The following CPS1 variants were observed in gnomAD, a reference collection of about 807,000 sequenced individuals.
The protein encoded by CPS1 is carbamoyl-phosphate synthase 1, also known as carbamoyl-phosphate synthase [ammonia], mitochondrial.
Under a neutral mutation model 174.6 loss-of-function variants are expected in CPS1, and 109 were observed. The observed-to-expected ratio is 0.62, with a 90% confidence interval of 0.53 to 0.73. The LOEUF is 0.73. Ranked by LOEUF, CPS1 falls within the 30% of genes least tolerant of loss-of-function variation. The pLI, the probability that CPS1 is intolerant of heterozygous loss-of-function variation, is 0.00. For missense variants in CPS1, 1,689 were observed against 1,821.9 expected (o/e 0.93, Z 1.33); for synonymous variants, 637 against 632.0 (o/e 1.01, Z -0.12).
At chr2:210,506,117 A>T (rs1335115012) in intron 1 of CPS1, among the ~76,000 whole-genome samples, 1 of 152,136 alleles carries the variant, frequency 6.6e-6, no homozygotes, top group Non-Finnish European at 1.5e-5. Context: ...CGAATAGCCT[A>T]ACTGGGAGGC....
intron 34 of CPS1, chr2:210,673,260 C>CA (rs1408198643): frequency 1.3e-5 from 2 of 152,238 alleles, no homozygotes; most frequent in Admixed American, 6.5e-5. Context: ...CTCAGTTACT[C>CA]AGACACTCAT....
intron 1 of CPS1, among the ~76,000 whole-genome samples, chr2:210,488,240 A>T (rs1694779283): frequency 6.6e-6 from 1 of 152,156 alleles, no homozygotes; most frequent in African/African-American, 2.4e-5. Context: ...TCAGAACCGA[A>T]TCATACTTTT....
intron 1 of CPS1, among the ~76,000 whole-genome samples, chr2:210,504,621 G>C (rs1233456641): frequency 2.0e-5 from 3 of 152,176 alleles, no homozygotes; most frequent in African/African-American, 4.8e-5. Context: ...GATTCCAAAG[G>C]GTTGTGTATT....
intron 21 of CPS1, chr2:210,618,233 A>T (rs1268718277): frequency 6.6e-6 from 1 of 152,032 alleles, no homozygotes; most frequent in Non-Finnish European, 1.5e-5. Flanking sequence ...CGACAATTTG[A>T]CATTTTCAAT....
intron 17 of CPS1, 78 bp from the exon 18 acceptor site, chr2:210,606,653 G>A (rs925829926): frequency 1.2e-4 from 152 of 1,285,330 alleles, no homozygotes; most frequent in Middle Eastern, 1.8e-4. Flanking sequence ...GTCTTGCATC[G>A]TGCAAGTAGA....
intron 6 of CPS1, among the ~76,000 whole-genome samples, chr2:210,587,813 G>GT (rs1384109189): frequency 2.6e-5 from 4 of 152,048 alleles, no homozygotes; most frequent in Non-Finnish European, 5.9e-5. Flanking sequence ...AGAGATCATT[G>GT]TTATTACTAT....
intron 33 of CPS1, among the ~76,000 whole-genome samples, chr2:210,666,991 CT>C (rs1316360107): frequency 1.3e-5 from 2 of 152,268 alleles, no homozygotes; most frequent in East Asian, 3.9e-4. Flanking sequence ...CTTGTATCCT[CT>C]TTTATTTCAT....
At chr2:210,637,980 CATA>C in intron 22 of CPS1, 137 bp downstream of exon 22, 1 of 945,698 alleles carries the variant, frequency 1.1e-6, no homozygotes, top group South Asian at 1.4e-5. Context: ...GGTTGATGCT[CATA>C]ATGTCACCAA....
At position 210,660,694 on chromosome 2, in the gene CPS1, C is replaced by G. The variant is rs373163665; in HGVS notation, c.3927+39C>G. 8.9e-5 allele frequency: 140 copies of G among 1,570,278 alleles called. No homozygotes were observed. The Admixed American group carries it at 9.2e-4, about 10-fold the overall frequency. Reference sequence around the variant, plus strand: ...AAATTTATTAGTCATTTTATGAGTTCTAGTGAAATTAAAAGAACAATTTGT... The same window carrying G: ...AAATTTATTAGTCATTTTATGAGTTGTAGTGAAATTAAAAGAACAATTTGT... On this transcript the variant is annotated intron_variant, in intron 32 of 37. Coordinates refer to ENST00000233072, the MANE Select transcript of CPS1 (RefSeq NM_001875.5).
chr2:210,579,884 C>G lies in CPS1; in HGVS notation c.528+114C>G. On this transcript the variant is annotated intron_variant, in intron 5 of 37. Transcript: ENST00000233072. ...TCCATTAATATGTAAAGGAGTGAAT[C>G]TGGCCAGCTTCTGCTATCTGGGTCT... is the stretch of plus-strand genomic sequence containing the variant. 5.8e-6 allele frequency: 5 copies of G among 867,142 alleles called. No individual in the cohort carries two copies. In the South Asian group the frequency reaches 6.8e-5, roughly 12 times the overall value. 53.7% of individuals were successfully genotyped at this position (867,142 alleles called of 1,614,324 possible).
intron 34 of CPS1, among the ~76,000 whole-genome samples, chr2:210,668,685 G>A (rs938799033): frequency 4.6e-5 from 7 of 152,014 alleles, no homozygotes; most frequent in African/African-American, 1.7e-4. Flanking sequence ...ATATTTCTCT[G>A]TCTCTTGATT....
chr2:210,640,144 C>A, intron 24 of CPS1, 85 bp downstream of exon 24: 1 of 935,626 alleles, frequency 1.1e-6, no homozygotes, highest in Non-Finnish European at 1.7e-6. Flanking sequence ...ATTCCAAGAA[C>A]TATATCAAAT....
chr2:210,648,376 A>C, intron 26 of CPS1, 97 bp from the exon 27 acceptor site: 1 of 1,035,044 alleles, frequency 9.7e-7, no homozygotes, highest in Non-Finnish European at 1.5e-6. Flanking sequence ...TAGAGAATAA[A>C]GAAGCTGGGC....
chr2:210,522,122 T>C (rs998654941), intron 1 of CPS1, among the ~76,000 whole-genome samples: 2 of 151,984 alleles, frequency 1.3e-5, no homozygotes, highest in Non-Finnish European at 2.9e-5. Flanking sequence ...GTGGTTCTTT[T>C]CCTAGCCTTG....
At chr2:210,509,822 T>A (rs2105973250) in intron 1 of CPS1, among the ~76,000 whole-genome samples, 1 of 152,244 alleles carries the variant, frequency 6.6e-6, no homozygotes, top group African/African-American at 2.4e-5. Flanking sequence ...TTACAAGGGA[T>A]GTGAAGGACC....
upstream of CPS1, among the ~76,000 whole-genome samples, chr2:210,551,657 C>A (rs569435161): frequency 2.0e-5 from 3 of 152,036 alleles, no homozygotes; most frequent in East Asian, 5.8e-4. Context: ...TTTCCAGCTT[C>A]ATTTTTCACC....
At chr2:210,488,156 A>G (rs1574461188) in intron 1 of CPS1, among the ~76,000 whole-genome samples, 1 of 126,066 alleles carries the variant, frequency 7.9e-6, no homozygotes, top group African/African-American at 2.5e-5. Context: ...GCTTGCTTGC[A>G]TTATCCTTTT....
intron 1 of CPS1, among the ~76,000 whole-genome samples, chr2:210,533,331 T>C (rs550228684): frequency 6.6e-6 from 1 of 152,272 alleles, no homozygotes; most frequent in Admixed American, 6.5e-5. Flanking sequence ...AAACAGTAGC[T>C]AATAGTTCTC....
chr2:210,634,368 T>A (rs1279412266), intron 21 of CPS1, among the ~76,000 whole-genome samples: 1 of 152,266 alleles, frequency 6.6e-6, no homozygotes, highest in Admixed American at 6.5e-5. Flanking sequence ...AGGCGGAGCT[T>A]GCAGTGAGCC....
Sources: allele counts gnomAD v4.1 joint callset (sites outside exome capture counted in the v4.1 genomes callset), GRCh38; gene constraint gnomAD v4.1.1; transcripts MANE v1.5; gene names NCBI Gene and HGNC (gene_info 2026-07-23, HGNC 2026-07-21).